FLT3: variants seen among roughly 807,000 people sequenced by gnomAD.
FLT3 encodes receptor-type tyrosine-protein kinase FLT3.
FLT3 carries 46 observed loss-of-function variants against 126.6 expected under a neutral mutation model. The ratio of observed to expected loss-of-function variants is 0.36; its 90% CI spans 0.29 to 0.46. The LOEUF (loss-of-function observed/expected upper bound fraction) is 0.46, where lower values mean the gene tolerates loss of function less well. Ranked by LOEUF, FLT3 falls within the 20% of genes least tolerant of loss-of-function variation. The probability of loss-of-function intolerance (pLI) is 1.00; values close to 1 mark genes in which losing one functional copy is unlikely to be tolerated. For synonymous variants in FLT3, 404 were observed against 434.4 expected, an observed-to-expected ratio of 0.93 and a Z score of 0.87; for missense variants, 1,069 against 1,190.3, an observed-to-expected ratio of 0.90 and a Z score of 1.50.
Position 28,023,198 on chromosome 13 carries a change from G to A in FLT3, c.2418+152C>T. On this transcript the variant is annotated intron_variant, in intron 19 of 23. Coordinates refer to ENST00000241453, the MANE Select transcript of FLT3 (RefSeq NM_004119.3). ...CCTTTATGCTACTACAATTAGCCAAGAGCCAAGGTAACACGCTAGGTGACT... is the reference window on the plus strand; with the variant it reads ...CCTTTATGCTACTACAATTAGCCAAAAGCCAAGGTAACACGCTAGGTGACT... 13 of 741,680 alleles carry A rather than the reference G, an allele frequency of 1.8e-5. No individual in the cohort carries two copies. The South Asian group carries it at 2.5e-4, about 14-fold the overall frequency. The allele number at this position is 741,680 out of a possible 1,614,324, so 45.9% of individuals were successfully genotyped here.
chr13:28,081,197 A>T (rs1878279694), intron 1 of FLT3, among the ~76,000 whole-genome samples: 1 of 152,204 alleles, frequency 6.6e-6, no homozygotes. Context: ...ATTTCACTGA[A>T]TCACTAGATC....
At chr13:28,098,436 T>A (rs990831919) in intron 1 of FLT3, among the ~76,000 whole-genome samples, 8 of 152,130 alleles carry the variant, frequency 5.3e-5, no homozygotes, top group Admixed American at 4.6e-4. Flanking sequence ...AGCTTCTCAC[T>A]TTATCCTTCT....
intron 1 of FLT3, among the ~76,000 whole-genome samples, chr13:28,096,473 G>C (rs1445481263): frequency 6.6e-6 from 1 of 151,144 alleles, no homozygotes; most frequent in Admixed American, 6.6e-5. Context: ...GTCGCACTCT[G>C]TCACCAAGGG....
intron 1 of FLT3, among the ~76,000 whole-genome samples, chr13:28,072,415 G>C (rs12100232): frequency 0.069 from 10,505 of 151,334 alleles, 1,222 homozygotes; most frequent in African/African-American, 0.24. Context: ...TTTTTAAATT[G>C]AGACAGAGTC....
At chr13:28,009,932 G>A (rs1159230047) in intron 23 of FLT3, among the ~76,000 whole-genome samples, 1 of 152,082 alleles carries the variant, frequency 6.6e-6, no homozygotes, top group East Asian at 1.9e-4. Context: ...GGGAGGTGAT[G>A]TTAGTTCAGA....
In FLT3 at chr13:28,051,305, C is replaced by T. The variant is rs531166185; in HGVS notation, c.615-1083G>A. Among the ~76,000 whole-genome samples, 743 of 151,870 alleles carry T rather than the reference C, an allele frequency of 4.9e-3. 4 individuals are homozygous for T. Among genetic ancestry groups the T allele is most frequent in the African/African-American group, 0.017 (690 of 41,388 alleles). On this transcript the variant is annotated intron_variant, in intron 5 of 23. Transcript: ENST00000241453. Reference sequence around the variant, plus strand: ...AGGCTGGAGTGCAATGGCGCGATCTCGGGTCACTGCAATCTCCGCCTCCCG... The same window carrying T: ...AGGCTGGAGTGCAATGGCGCGATCTTGGGTCACTGCAATCTCCGCCTCCCG...
At chr13:28,067,908 TG>T in intron 2 of FLT3, 1 of 391,222 alleles carries the variant, frequency 2.6e-6, no homozygotes, top group Non-Finnish European at 5.1e-6. Flanking sequence ...AGCTGGCTTG[TG>T]CAGGCCACCT....
intron 5 of FLT3, 112 bp from the exon 6 acceptor site, chr13:28,050,334 A>G: frequency 1.0e-6 from 1 of 958,690 alleles, no homozygotes. Flanking sequence ...ATGGTAAACA[A>G]AAGGTCAAAA....
At chr13:28,013,472 C>T (rs758801814) in intron 23 of FLT3, among the ~76,000 whole-genome samples, 1 of 152,134 alleles carries the variant, frequency 6.6e-6, no homozygotes, top group African/African-American at 2.4e-5. Context: ...ATCAAGTAAA[C>T]GATGGAGCCA....
intron 15 of FLT3, among the ~76,000 whole-genome samples, chr13:28,033,363 A>G (rs1315634150): frequency 6.6e-6 from 1 of 152,128 alleles, no homozygotes; most frequent in South Asian, 2.1e-4. Context: ...CAAATATCAA[A>G]GCCTATAAAA....
chr13:28,070,717 A>G (rs1343395637), intron 1 of FLT3, 105 bp from the exon 2 acceptor site: 5 of 838,508 alleles, frequency 6.0e-6, no homozygotes, highest in Non-Finnish European at 9.2e-6. Flanking sequence ...AATCAGAGGA[A>G]ATTGGCCACT....
At chr13:28,077,087 GAAAAAGAGAA>G (rs1877992360) in intron 1 of FLT3, among the ~76,000 whole-genome samples, 1 of 9,674 alleles carries the variant, frequency 1.0e-4, no homozygotes, top group Non-Finnish European at 2.0e-3. Flanking sequence ...AAGAAAGAAA[GAAAAAGAGAA>G]AAAGAAAGAG....
chr13:28,011,178 C>T (rs990357572), intron 23 of FLT3, among the ~76,000 whole-genome samples: 4 of 150,608 alleles, frequency 2.7e-5, no homozygotes, highest in Admixed American at 6.6e-5. Context: ...GGCGTGGTGG[C>T]GCGTGCCTGT....
chr13:28,070,596 C>T lies in FLT3; in HGVS notation c.60G>A (p.Met20Ile). Reference sequence around the variant, plus strand: ...CTTGATTTGTAATAGTCCCAAATATCATTGCAGAAAAAACAACTGTAAAAC... The same window carrying T: ...CTTGATTTGTAATAGTCCCAAATATTATTGCAGAAAAAACAACTGTAAAAC... The part of the protein sequence containing the change: ...QLPLLVVFSA[M>I]IFGTITNQDL... Residue 20 changes from methionine (M) to isoleucine (I), a missense_variant, in exon 2 of 24, where the codon ATG becomes ATA. Coordinates refer to ENST00000241453, the MANE Select transcript of FLT3 (RefSeq NM_004119.3). The T allele has an allele frequency of 6.2e-7, 1 of 1,600,748 alleles. No homozygotes were observed. Among genetic ancestry groups the T allele is most frequent in the Middle Eastern group, 1.7e-4 (1 of 6,038 alleles).
At position 28,039,468 on chromosome 13, in the gene FLT3, C is replaced by T. The variant is rs114407645; in HGVS notation, c.1206-2180G>A. Among the ~76,000 whole-genome samples, 637 of 151,570 alleles carry T rather than the reference C, an allele frequency of 4.2e-3. 2 individuals are homozygous for T. The highest frequency in any genetic ancestry group is 0.014 in the African/African-American group (570 of 41,304). On this transcript the variant is annotated intron_variant, in intron 9 of 23. Coordinates refer to ENST00000241453, the MANE Select transcript of FLT3 (RefSeq NM_004119.3). ...CACCCACCTCAGCCTCCCAAAGTGCCGGGATGAATTACGCATTTTAAAAAT... is the reference window on the plus strand; with the variant it reads ...CACCCACCTCAGCCTCCCAAAGTGCTGGGATGAATTACGCATTTTAAAAAT...
chr13:28,066,665 T>C (rs764202944), intron 2 of FLT3, among the ~76,000 whole-genome samples: 10 of 151,940 alleles, frequency 6.6e-5, no homozygotes, highest in Admixed American at 1.3e-4. Context: ...AAATAAAAAA[T>C]TGAATAAATA....
intron 1 of FLT3, among the ~76,000 whole-genome samples, chr13:28,078,364 T>G (rs191482158): frequency 1.1e-4 from 17 of 152,214 alleles, no homozygotes; most frequent in Non-Finnish European, 2.5e-4. Context: ...TTGACTTCTG[T>G]GCACCCGCAT....
chr13:28,040,207 A>C (rs917767436), intron 9 of FLT3, among the ~76,000 whole-genome samples: 1 of 152,192 alleles, frequency 6.6e-6, no homozygotes, highest in Non-Finnish European at 1.5e-5. Flanking sequence ...GTGAAGGTAG[A>C]GGGGTAATAA....
intron 20 of FLT3, among the ~76,000 whole-genome samples, chr13:28,015,969 C>T (rs1871818582): frequency 6.6e-6 from 1 of 152,170 alleles, no homozygotes; most frequent in Non-Finnish European, 1.5e-5. Flanking sequence ...CATCTTTCCA[C>T]TGGAAAGAGG....
Sources: allele counts gnomAD v4.1 joint callset (sites outside exome capture counted in the v4.1 genomes callset), GRCh38; gene constraint gnomAD v4.1.1; transcripts MANE v1.5; gene names NCBI Gene and HGNC (gene_info 2026-07-23, HGNC 2026-07-21).